Variants in SYTL2 observed in about 807,000 individuals in gnomAD.
The protein encoded by SYTL2 is synaptotagmin like 2, also known as synaptotagmin-like protein 2.
A neutral mutation model predicts 198.7 loss-of-function variants in SYTL2; 165 were observed. The ratio of observed to expected loss-of-function variants is 0.83; its 90% CI spans 0.73 to 0.94. The LOEUF is 0.94. Ranked by LOEUF, SYTL2 falls within the 40% of genes least tolerant of loss-of-function variation. SYTL2 has a pLI of 0.00. For missense variants in SYTL2, 2,835 were observed against 2,582.8 expected, an observed-to-expected ratio of 1.10 and a Z score of -2.12; for synonymous variants, 966 against 917.7, an observed-to-expected ratio of 1.05 and a Z score of -0.95.
At chr11:85,851,568 A>G in the SYTL2 span, among the ~76,000 whole-genome samples, 201 of 152,376 alleles carry the variant, frequency 1.3e-3, no homozygotes, top group Non-Finnish European at 2.6e-3. Flanking sequence ...CAAGGCTAAC[A>G]GAAAATCAAG....
intron 2 of SYTL2, among the ~76,000 whole-genome samples, chr11:85,749,694 A>G (rs2091395085): frequency 1.3e-5 from 2 of 152,186 alleles, no homozygotes; most frequent in African/African-American, 4.8e-5. Flanking sequence ...CAACGATATC[A>G]TGGTTTTTAT....
At chr11:85,805,918 G>C (rs1390327047) in intron 1 of SYTL2, among the ~76,000 whole-genome samples, 1 of 152,168 alleles carries the variant, frequency 6.6e-6, no homozygotes, top group Non-Finnish European at 1.5e-5. Context: ...TGTTTAGAAA[G>C]TATAAGATTA....
At chr11:85,755,247 T>C (rs2153544622) in intron 2 of SYTL2, among the ~76,000 whole-genome samples, 1 of 152,236 alleles carries the variant, frequency 6.6e-6, no homozygotes, top group African/African-American at 2.4e-5. Context: ...GTTGAGCCTT[T>C]TTCAGGGTCC....
the SYTL2 span, among the ~76,000 whole-genome samples, chr11:85,833,011 AAAAGAAAGAAAG>A: frequency 7.5e-3 from 359 of 48,092 alleles, 7 homozygotes; most frequent in African/African-American, 0.013. Flanking sequence ...AAAAAGAAAG[AAAAGAAAGAAAG>A]AAAGAAAGAA....
the SYTL2 span, among the ~76,000 whole-genome samples, chr11:85,836,000 T>A: frequency 6.6e-5 from 10 of 152,176 alleles, no homozygotes; most frequent in South Asian, 2.1e-4. Flanking sequence ...CCTGAGTCTG[T>A]CTGGGCTCTC....
the SYTL2 span, chr11:85,853,843 C>T: frequency 1.4e-5 from 2 of 139,158 alleles, no homozygotes; most frequent in South Asian, 4.6e-4. Context: ...AATAAAAATA[C>T]ATATCCAGGT....
intron 1 of SYTL2, among the ~76,000 whole-genome samples, chr11:85,804,287 A>G (rs1397395411): frequency 1.3e-5 from 2 of 152,216 alleles, no homozygotes; most frequent in Non-Finnish European, 2.9e-5. Flanking sequence ...ATGTACCCTC[A>G]TTCTGCATCT....
In SYTL2 at chr11:85,811,057, G is replaced by C. The variant is rs949866890; in HGVS notation, c.-493C>G. The C allele has an allele frequency of 2.0e-5, 3 of 152,270 alleles. No homozygotes were observed. The highest frequency in any genetic ancestry group is 4.4e-5 in the Non-Finnish European group (3 of 68,072). 9.4% of individuals were successfully genotyped at this position (152,270 alleles called of 1,614,324 possible). On this transcript the variant is annotated 5_prime_UTR_variant, in exon 1 of 20. Coordinates refer to ENST00000359152, the MANE Select transcript of SYTL2 (RefSeq NM_206927.4). ...CAAACCGCGCAGCCCCGGGCGCGGCGCGTTACCTTCCCCCGGGCAAGGCGT... is the reference window on the plus strand; with the variant it reads ...CAAACCGCGCAGCCCCGGGCGCGGCCCGTTACCTTCCCCCGGGCAAGGCGT...
chr11:85,770,326 C>G (rs972893532), intron 1 of SYTL2, among the ~76,000 whole-genome samples: 39 of 152,158 alleles, frequency 2.6e-4, no homozygotes, highest in African/African-American at 9.4e-4. Flanking sequence ...CTCTTTCTCC[C>G]CTTGTCTACC....
intron 7 of SYTL2, among the ~76,000 whole-genome samples, chr11:85,731,117 C>T (rs1409218028): frequency 6.6e-6 from 1 of 152,162 alleles, no homozygotes; most frequent in Non-Finnish European, 1.5e-5. Flanking sequence ...ACATTCCATG[C>T]TCATGGATAG....
chr11:85,824,052 T>G, the SYTL2 span, among the ~76,000 whole-genome samples: 1 of 152,172 alleles, frequency 6.6e-6, no homozygotes, highest in Non-Finnish European at 1.5e-5. Context: ...CCCATGAACA[T>G]GTTTACATTT....
intron 1 of SYTL2, among the ~76,000 whole-genome samples, chr11:85,804,019 T>A (rs1032347484): frequency 1.3e-5 from 2 of 152,248 alleles, no homozygotes; most frequent in African/African-American, 4.8e-5. Context: ...AGTAAAGGAC[T>A]ATAAATTATG....
At chr11:85,810,523 C>G (rs1209575567) in intron 1 of SYTL2, among the ~76,000 whole-genome samples, 2 of 152,122 alleles carry the variant, frequency 1.3e-5, no homozygotes, top group Non-Finnish European at 2.9e-5. Context: ...AAATCATCAT[C>G]CCCTGGCCGG....
chr11:85,748,490 C>T (rs1489068200), intron 2 of SYTL2, 67 bp from the exon 3 acceptor site: 9 of 1,495,466 alleles, frequency 6.0e-6, no homozygotes, highest in South Asian at 2.3e-5. Context: ...ATTATGACAC[C>T]GCATAAAGAC....
At chr11:85,827,125 T>C in the SYTL2 span, among the ~76,000 whole-genome samples, 87 of 152,296 alleles carry the variant, frequency 5.7e-4, no homozygotes, top group Middle Eastern at 0.02. Flanking sequence ...TTTTAATCCA[T>C]GGAGCCCTGT....
intron 1 of SYTL2, among the ~76,000 whole-genome samples, chr11:85,800,661 G>C (rs2092872781): frequency 6.6e-6 from 1 of 152,134 alleles, no homozygotes; most frequent in African/African-American, 2.4e-5. Context: ...GCTGCTGAGA[G>C]AGTGGACTTG....
intron 12 of SYTL2, among the ~76,000 whole-genome samples, chr11:85,712,899 G>A (rs983478373): frequency 1.3e-5 from 2 of 151,944 alleles, no homozygotes; most frequent in African/African-American, 4.8e-5. Context: ...TGAATTTTTA[G>A]TAGAGACAGG....
At chr11:85,804,443 CTGT>C (rs1299410266) in intron 1 of SYTL2, among the ~76,000 whole-genome samples, 2 of 152,164 alleles carry the variant, frequency 1.3e-5, no homozygotes, top group Admixed American at 6.5e-5. Context: ...ATTCAAATCT[CTGT>C]TGTTGTTCTT....
At chr11:85,700,782 A>G (rs1325829449) in intron 16 of SYTL2, among the ~76,000 whole-genome samples, 189 bp from the exon 17 acceptor site, 2 of 152,238 alleles carry the variant, frequency 1.3e-5, no homozygotes, top group Admixed American at 6.5e-5. Flanking sequence ...ACTAGGTTGT[A>G]TATCTTGAAA....
Sources: gnomAD v4.1 joint callset for allele counts (sites outside exome capture counted in the v4.1 genomes callset) on GRCh38, gnomAD v4.1.1 for gene constraint, MANE v1.5 for transcripts, NCBI Gene and HGNC (gene_info 2026-07-23, HGNC 2026-07-21) for gene names.